Variants in CSMD1 observed in about 807,000 individuals in gnomAD.
CSMD1 encodes the protein CUB and sushi domain-containing protein 1.
Under a neutral mutation model 417.5 loss-of-function variants are expected in CSMD1, and 213 were observed. The observed-to-expected ratio is 0.51, with a 90% CI of 0.46 to 0.57. CSMD1 has a LOEUF of 0.57. Ranked by LOEUF, CSMD1 falls within the 20% of genes least tolerant of loss-of-function variation. CSMD1 has a pLI of 0.00. For missense variants in CSMD1, 6,923 were observed against 4,529.7 expected (o/e 1.53, Z -15.17); for synonymous variants, 2,862 against 1,736.8 (o/e 1.65, Z -16.11).
intron 3 of CSMD1, among the ~76,000 whole-genome samples, chr8:4,360,140 T>C (rs1478994617): frequency 2.0e-5 from 3 of 152,292 alleles, no homozygotes; most frequent in East Asian, 3.9e-4. Flanking sequence ...GCTGTGAGGA[T>C]GATCTGAGAG....
chr8:3,341,837 A>G (rs1015607137), intron 23 of CSMD1, among the ~76,000 whole-genome samples: 1 of 152,198 alleles, frequency 6.6e-6, no homozygotes, highest in African/African-American at 2.4e-5. Context: ...CTCTAAGACT[A>G]GTGTAGGGGC....
At chr8:4,827,835 G>C (rs1259389724) in intron 1 of CSMD1, among the ~76,000 whole-genome samples, 1 of 152,110 alleles carries the variant, frequency 6.6e-6, no homozygotes, top group African/African-American at 2.4e-5. Flanking sequence ...GGTACAGCCT[G>C]TTTAAATTCT....
At chr8:4,061,960 T>C (rs761073872) in intron 3 of CSMD1, among the ~76,000 whole-genome samples, 7 of 152,122 alleles carry the variant, frequency 4.6e-5, no homozygotes, top group Non-Finnish European at 7.3e-5. Flanking sequence ...AGCATTATCT[T>C]AGTCAGGGGA....
At chr8:4,682,785 C>T (rs756793011) in intron 1 of CSMD1, among the ~76,000 whole-genome samples, 3 of 151,086 alleles carry the variant, frequency 2.0e-5, no homozygotes, top group East Asian at 3.9e-4. Flanking sequence ...TAAGTATATA[C>T]GAAGCAACAT....
chr8:3,750,286 T>C (rs1444858442), intron 6 of CSMD1, among the ~76,000 whole-genome samples: 1 of 151,068 alleles, frequency 6.6e-6, no homozygotes, highest in South Asian at 2.1e-4. Context: ...TAAAAATGTA[T>C]GTTCTTTTTA....
intron 2 of CSMD1, among the ~76,000 whole-genome samples, chr8:4,588,339 T>G (rs1220742293): frequency 1.4e-5 from 2 of 145,174 alleles, no homozygotes; most frequent in Non-Finnish European, 3.1e-5. Flanking sequence ...TCAAATACAG[T>G]ATAGAGAGCA....
At chr8:4,066,244 C>T (rs1020167085) in intron 3 of CSMD1, among the ~76,000 whole-genome samples, 3 of 152,222 alleles carry the variant, frequency 2.0e-5, no homozygotes, top group Admixed American at 6.5e-5. Context: ...TCTTTGTCTC[C>T]TGTTCCCACT....
At chr8:3,455,748 C>G (rs1437556196) in intron 12 of CSMD1, among the ~76,000 whole-genome samples, 1 of 152,240 alleles carries the variant, frequency 6.6e-6, no homozygotes, top group Non-Finnish European at 1.5e-5. Flanking sequence ...AGTTACGCTA[C>G]TCAGGGGTCA....
chr8:4,527,079 A>AT (rs1281605789), intron 2 of CSMD1, among the ~76,000 whole-genome samples: 3 of 152,078 alleles, frequency 2.0e-5, no homozygotes, highest in Non-Finnish European at 2.9e-5. Flanking sequence ...CCAAGACATA[A>AT]TTTTTTTCAG....
intron 1 of CSMD1, among the ~76,000 whole-genome samples, chr8:4,980,237 T>A (rs1191466647): frequency 6.6e-6 from 1 of 152,208 alleles, no homozygotes; most frequent in African/African-American, 2.4e-5. Context: ...CTTATCCAGC[T>A]GCCTGGGTAA....
chr8:4,266,872 A>C (rs1804261563), intron 3 of CSMD1, among the ~76,000 whole-genome samples: 1 of 104,936 alleles, frequency 9.5e-6, no homozygotes, highest in Non-Finnish European at 2.6e-5. Context: ...AAAACATATT[A>C]ATTCAACGTG....
intron 2 of CSMD1, among the ~76,000 whole-genome samples, chr8:4,467,483 T>C (rs918759859): frequency 1.3e-5 from 2 of 152,230 alleles, no homozygotes; most frequent in African/African-American, 4.8e-5. Context: ...CACCCATGAG[T>C]GGCCAGAGGA....
intron 3 of CSMD1, among the ~76,000 whole-genome samples, chr8:4,271,488 G>GA (rs893163929): frequency 1.6e-4 from 24 of 151,072 alleles, no homozygotes; most frequent in African/African-American, 4.9e-4. Context: ...TTTTCATAGA[G>GA]AAAAAACTGC....
intron 1 of CSMD1, among the ~76,000 whole-genome samples, chr8:4,909,464 A>G (rs1435510410): frequency 6.6e-6 from 1 of 152,104 alleles, no homozygotes; most frequent in Non-Finnish European, 1.5e-5. Context: ...TGGAAGTAAC[A>G]CCCTTCCCTG....
intron 39 of CSMD1, among the ~76,000 whole-genome samples, chr8:3,155,859 C>A (rs1329544066): frequency 3.3e-5 from 5 of 152,154 alleles, no homozygotes; most frequent in Admixed American, 3.3e-4. Context: ...ATGAGCCTAT[C>A]ATAAAGGCTG....
At chr8:4,121,038 A>C (rs578241510) in intron 3 of CSMD1, among the ~76,000 whole-genome samples, 8 of 152,274 alleles carry the variant, frequency 5.3e-5, no homozygotes, top group African/African-American at 1.9e-4. Flanking sequence ...TTAGTAGTCC[A>C]GGAACAAAGG....
Position 3,306,736 on chromosome 8 carries a change from C to A in CSMD1, c.3950+959G>T, listed in dbSNP as rs536130996. Among the ~76,000 whole-genome samples, 41 of 152,234 alleles carry A rather than the reference C, an allele frequency of 2.7e-4. 2 individuals carry two copies. In the South Asian group the frequency reaches 8.5e-3, roughly 32 times the overall value. Reference sequence around the variant, plus strand: ...GACTGTGTGTCCACTTCATTTTAAACAAGAACTAAAAATAAAACTGATTTT... The same window carrying A: ...GACTGTGTGTCCACTTCATTTTAAAAAAGAACTAAAAATAAAACTGATTTT... On this transcript the variant is annotated intron_variant, in intron 25 of 69. Coordinates refer to ENST00000635120, the MANE Select transcript of CSMD1 (RefSeq NM_033225.6).
chr8:4,730,910 G>C (rs201879376), intron 1 of CSMD1, among the ~76,000 whole-genome samples: 1 of 151,874 alleles, frequency 6.6e-6, no homozygotes, highest in Admixed American at 6.5e-5. Flanking sequence ...ACCGTGCTTT[G>C]TTTCCAGTCA....
intron 10 of CSMD1, among the ~76,000 whole-genome samples, chr8:3,497,289 A>G (rs1499682): frequency 1.3e-5 from 2 of 152,072 alleles, no homozygotes; most frequent in Admixed American, 1.3e-4. Flanking sequence ...TATCTCTCCC[A>G]TCAATAATGT....
Sources: allele counts gnomAD v4.1 joint callset (sites outside exome capture counted in the v4.1 genomes callset), GRCh38; gene constraint gnomAD v4.1.1; transcripts MANE v1.5; gene names NCBI Gene and HGNC (gene_info 2026-07-23, HGNC 2026-07-21).